Variants in HIVEP3 observed in about 807,000 individuals in gnomAD.
HIVEP3 encodes HIVEP zinc finger 3.
A neutral mutation model predicts 152.8 loss-of-function variants in HIVEP3; 49 were observed. The observed-to-expected ratio is 0.32, with a 90% CI of 0.26 to 0.41. The LOEUF (loss-of-function observed/expected upper bound fraction) is 0.41, where lower values mean the gene tolerates loss of function less well. Ranked by LOEUF, HIVEP3 falls within the 10% of genes least tolerant of loss-of-function variation. The pLI is 1.00. For synonymous variants in HIVEP3, 1,269 were observed against 1,289.0 expected, an observed-to-expected ratio of 0.98 and a Z score of 0.33; for missense variants, 2,790 against 3,103.3, an observed-to-expected ratio of 0.90 and a Z score of 2.40.
chr1:41,648,939 C>T (rs1213064996), intron 2 of HIVEP3, among the ~76,000 whole-genome samples: 2 of 152,260 alleles, frequency 1.3e-5, no homozygotes, highest in Non-Finnish European at 2.9e-5. Flanking sequence ...AACAGTGCTG[C>T]ATAGTTGATG....
At position 41,583,510 on chromosome 1, in the gene HIVEP3, C is replaced by T. The variant is rs760320631; in HGVS notation, c.1288G>A (p.Ala430Thr). Residue 430 changes from alanine (A) to threonine (T), a missense_variant, in exon 4 of 9, where the codon GCC (alanine) becomes ACC (threonine). Ala to Thr is a moderately conservative substitution (Grantham distance 58). Coordinates refer to ENST00000372583, the MANE Select transcript of HIVEP3 (RefSeq NM_024503.5). This position sits in a 1 kb window ranked among gnomAD's most constrained non-coding sequence, Gnocchi z 6.9. ...GKCGRIGQRT[A>T]MLTATSTQPL... Reference sequence around the variant, plus strand: ...TGGGTGGAGGTGGCTGTCAGCATGGCGGTCCGCTGTCCTATTCGCCCACAC... The same window carrying T: ...TGGGTGGAGGTGGCTGTCAGCATGGTGGTCCGCTGTCCTATTCGCCCACAC... 24 of 1,613,856 alleles carry T rather than the reference C, an allele frequency of 1.5e-5. No homozygotes were observed. Among genetic ancestry groups the T allele is most frequent in the Middle Eastern group, 1.7e-4 (1 of 6,060 alleles).
chr1:41,708,319 T>C (rs1039852523), intron 1 of HIVEP3, among the ~76,000 whole-genome samples: 1 of 152,186 alleles, frequency 6.6e-6, no homozygotes, highest in East Asian at 1.9e-4. Flanking sequence ...TGGGCATTTG[T>C]TGACTTTTGC....
At chr1:41,947,307 T>C (rs1053678483) in intron 1 of HIVEP3, among the ~76,000 whole-genome samples, 1 of 152,244 alleles carries the variant, frequency 6.6e-6, no homozygotes, top group Non-Finnish European at 1.5e-5. Flanking sequence ...CCTCGCCACC[T>C]GTGGCTACAA....
chr1:41,598,426 A>G (rs766656399), intron 3 of HIVEP3, among the ~76,000 whole-genome samples: 2 of 152,244 alleles, frequency 1.3e-5, no homozygotes, highest in African/African-American at 2.4e-5. Context: ...CACACACACT[A>G]TAAGATGAAC....
At chr1:41,559,216 A>G (rs1179885118) in intron 5 of HIVEP3, among the ~76,000 whole-genome samples, 3 of 152,184 alleles carry the variant, frequency 2.0e-5, no homozygotes, top group East Asian at 3.9e-4. Flanking sequence ...CTGGCTCCCA[A>G]TGCCCTCTGT....
chr1:42,012,101 T>A (rs1645495791), intron 1 of HIVEP3, among the ~76,000 whole-genome samples: 1 of 152,190 alleles, frequency 6.6e-6, no homozygotes, highest in Non-Finnish European at 1.5e-5. Flanking sequence ...CCTGGAACAT[T>A]TCCTCTGGTT....
chr1:41,741,801 TA>T lies in HIVEP3; in HGVS notation c.-800-40807del, dbSNP rs201825968. Among the ~76,000 whole-genome samples the T allele has an allele frequency of 7.3e-3, 1,113 of 152,328 alleles. 8 individuals carry two copies. Among genetic ancestry groups the T allele is most frequent in the African/African-American group, 0.023 (975 of 41,564 alleles). On this transcript the variant is annotated intron_variant, in intron 1 of 8. Coordinates refer to ENST00000372583, the MANE Select transcript of HIVEP3 (RefSeq NM_024503.5). Reference sequence around the variant, plus strand: ...TGCTGCTTCACCTATTGGAGCAGCCTAAACATCCCGATTTGTCAAACACAGG... The same window carrying T: ...TGCTGCTTCACCTATTGGAGCAGCCTAACATCCCGATTTGTCAAACACAGG...
At chr1:41,959,858 G>C (rs1451775091) in intron 1 of HIVEP3, among the ~76,000 whole-genome samples, 1 of 152,192 alleles carries the variant, frequency 6.6e-6, no homozygotes, top group Non-Finnish European at 1.5e-5. Flanking sequence ...CCTCCAGGTT[G>C]CTTTAGGCTC....
chr1:41,900,621 A>C (rs1274282468), intron 1 of HIVEP3, among the ~76,000 whole-genome samples: 1 of 151,470 alleles, frequency 6.6e-6, no homozygotes, highest in Non-Finnish European at 1.5e-5. Context: ...CAAATTTCCC[A>C]GTAGAGAGGG....
chr1:41,914,924 T>G (rs1644848369), intron 1 of HIVEP3, among the ~76,000 whole-genome samples: 1 of 152,244 alleles, frequency 6.6e-6, no homozygotes, highest in African/African-American at 2.4e-5. Context: ...ATGAATATTT[T>G]CTTTAGTATT....
At chr1:41,711,804 C>T (rs1322367071) in intron 1 of HIVEP3, among the ~76,000 whole-genome samples, 2 of 152,056 alleles carry the variant, frequency 1.3e-5, no homozygotes, top group African/African-American at 2.4e-5. Flanking sequence ...CGAGCACACT[C>T]GGCACACTGG....
intron 5 of HIVEP3, among the ~76,000 whole-genome samples, chr1:41,544,868 C>CTCTACCACCTCTACCACCACG (rs1643667795): frequency 2.2e-5 from 2 of 89,544 alleles, no homozygotes; most frequent in African/African-American, 5.7e-5. Context: ...CCACCACCAC[C>CTCTACCACCTCTACCACCACG]ACCACCACTA....
chr1:41,527,081 C>G (rs1467944034), intron 5 of HIVEP3, among the ~76,000 whole-genome samples: 9 of 130,052 alleles, frequency 6.9e-5, no homozygotes, highest in African/African-American at 2.6e-4. Flanking sequence ...CTCATCCTCA[C>G]ACACACCCAC....
chr1:41,835,386 G>T lies in HIVEP3; in HGVS notation c.-801+83027C>A, dbSNP rs575881080. ...CCAGCATGGCCTTTCCTCCGTAAGG[G>T]CATGCAAAGGAGAAAGTGAGCTCTC... On this transcript the variant is annotated intron_variant, in intron 1 of 8. Transcript: ENST00000372583. Among the ~76,000 whole-genome samples the T allele has an allele frequency of 5.3e-5, 8 of 152,312 alleles. No homozygotes were observed. In the East Asian group the frequency reaches 7.7e-4, roughly 15 times the overall value.
intron 5 of HIVEP3, among the ~76,000 whole-genome samples, chr1:41,553,634 G>C (rs1643922125): frequency 6.6e-6 from 1 of 152,200 alleles, no homozygotes; most frequent in Admixed American, 6.5e-5. Context: ...GCAGTGGCTG[G>C]TACTGGTTGT....
At chr1:41,898,284 G>A (rs991472115) in intron 1 of HIVEP3, among the ~76,000 whole-genome samples, 1 of 152,154 alleles carries the variant, frequency 6.6e-6, no homozygotes, top group African/African-American at 2.4e-5. Context: ...TCAACACAAA[G>A]CCAACAGGGC....
intron 3 of HIVEP3, among the ~76,000 whole-genome samples, chr1:41,592,351 A>G (rs1389714053): frequency 6.6e-6 from 1 of 152,206 alleles, no homozygotes; most frequent in Non-Finnish European, 1.5e-5. Flanking sequence ...AATGATCTCA[A>G]GATCACTTCC....
chr1:41,692,260 T>A (rs1646209678), intron 2 of HIVEP3, among the ~76,000 whole-genome samples: 1 of 152,260 alleles, frequency 6.6e-6, no homozygotes, highest in African/African-American at 2.4e-5. Context: ...AAAAGGACAC[T>A]ATGGACAGTT....
intron 1 of HIVEP3, among the ~76,000 whole-genome samples, chr1:41,881,353 G>C (rs944484205): frequency 6.6e-6 from 1 of 152,184 alleles, no homozygotes; most frequent in Non-Finnish European, 1.5e-5. Flanking sequence ...CCAAGTCTCT[G>C]GGGCAAGTTG....
Sources: allele counts gnomAD v4.1 joint callset (sites outside exome capture counted in the v4.1 genomes callset), GRCh38; gene constraint gnomAD v4.1.1; non-coding constraint Gnocchi (gnomAD v3.1); transcripts MANE v1.5; gene names NCBI Gene and HGNC (gene_info 2026-07-23, HGNC 2026-07-21).